The following SMYD3 variants were observed in gnomAD, a reference collection of about 807,000 sequenced individuals.
SMYD3 encodes the protein SET and MYND domain containing 3.
Under a neutral mutation model 57.7 loss-of-function variants are expected in SMYD3, and 36 were observed. The observed-to-expected ratio is 0.62, with a 90% confidence interval of 0.48 to 0.82. SMYD3 has a LOEUF of 0.82. Among genes scored for constraint, SMYD3 ranks in the 40% least tolerant of loss-of-function variants. The pLI is 0.00. For missense variants in SMYD3, 515 were observed against 538.8 expected, an observed-to-expected ratio of 0.96 and a Z score of 0.44; for synonymous variants, 211 against 195.0, an observed-to-expected ratio of 1.08 and a Z score of -0.68.
At chr1:246,328,988 A>G (rs940798434) in intron 4 of SMYD3, among the ~76,000 whole-genome samples, 29 of 151,978 alleles carry the variant, frequency 1.9e-4, no homozygotes, top group Non-Finnish European at 4.0e-4. Flanking sequence ...ATGATTTCCA[A>G]TTTCATCCAT....
intron 5 of SMYD3, among the ~76,000 whole-genome samples, chr1:246,161,352 G>C (rs1283331881): frequency 6.6e-6 from 1 of 152,190 alleles, no homozygotes; most frequent in Non-Finnish European, 1.5e-5. Flanking sequence ...TAAGCTGTTA[G>C]ATTGTTTCCA....
chr1:246,047,512 T>C (rs2059990344), intron 5 of SMYD3, among the ~76,000 whole-genome samples: 2 of 152,192 alleles, frequency 1.3e-5, no homozygotes, highest in Admixed American at 6.5e-5. Context: ...CACAAAAGAA[T>C]TTCTAGATAG....
At chr1:246,121,538 C>T (rs1431366975) in intron 5 of SMYD3, among the ~76,000 whole-genome samples, 1 of 146,746 alleles carries the variant, frequency 6.8e-6, no homozygotes, top group African/African-American at 2.5e-5. Context: ...TTAAAATGAA[C>T]AGAAGTTGAC....
At chr1:246,170,686 T>C (rs1243428409) in intron 5 of SMYD3, among the ~76,000 whole-genome samples, 1 of 152,204 alleles carries the variant, frequency 6.6e-6, no homozygotes, top group Non-Finnish European at 1.5e-5. Flanking sequence ...TTTTGTCAAA[T>C]GGCATTTCAC....
intron 5 of SMYD3, among the ~76,000 whole-genome samples, chr1:245,939,987 G>T (rs1291631450): frequency 6.6e-6 from 1 of 152,184 alleles, no homozygotes; most frequent in African/African-American, 2.4e-5. Context: ...TTTGGACTGG[G>T]AGGAATTCTC....
At chr1:246,074,205 A>G (rs543570514) in intron 5 of SMYD3, among the ~76,000 whole-genome samples, 1 of 152,304 alleles carries the variant, frequency 6.6e-6, no homozygotes, top group East Asian at 1.9e-4. Flanking sequence ...CACCAGAAGG[A>G]TATCTAGATA....
rs140069521 is a variant in SMYD3 at position 245,904,001 on chromosome 1, C to G, written c.813+11529G>C. On this transcript the variant is annotated intron_variant, in intron 8 of 11. Coordinates refer to ENST00000490107, the MANE Select transcript of SMYD3 (RefSeq NM_001167740.2). ...TTGTTTCTTATGCAAATTTCTGTAG[C>G]CAGCTTGAATTTCTCCCCAGAATAT... is the stretch of plus-strand genomic sequence containing the variant. Among the ~76,000 whole-genome samples the G allele has an allele frequency of 3.7e-3, 559 of 152,326 alleles. 6 individuals are homozygous for G. Among genetic ancestry groups the G allele is most frequent in the African/African-American group, 0.013 (540 of 41,572 alleles).
intron 10 of SMYD3, among the ~76,000 whole-genome samples, chr1:245,775,269 G>A (rs1048241472): frequency 2.6e-5 from 4 of 151,922 alleles, no homozygotes; most frequent in African/African-American, 9.7e-5. Context: ...GTTTTGTCGA[G>A]TGGAAGGGGG....
chr1:246,417,706 G>GT (rs1199911979), intron 1 of SMYD3, among the ~76,000 whole-genome samples: 1 of 152,154 alleles, frequency 6.6e-6, no homozygotes, highest in Non-Finnish European at 1.5e-5. Flanking sequence ...ACCTCCAGCA[G>GT]TAACCAAGCT....
At chr1:246,266,797 A>AAG (rs371099187) in intron 5 of SMYD3, among the ~76,000 whole-genome samples, 4 of 135,312 alleles carry the variant, frequency 3.0e-5, no homozygotes, top group Admixed American at 7.6e-5. Flanking sequence ...GAAAGAGAGA[A>AAG]AGAGAGAGAG....
chr1:245,921,658 C>T (rs1281100186), intron 7 of SMYD3, among the ~76,000 whole-genome samples: 2 of 151,804 alleles, frequency 1.3e-5, no homozygotes, highest in East Asian at 3.9e-4. Context: ...GGCCATTCTC[C>T]TAAGCAAATC....
chr1:246,001,795 T>C (rs2059051945), intron 5 of SMYD3, among the ~76,000 whole-genome samples: 1 of 152,186 alleles, frequency 6.6e-6, no homozygotes, highest in Non-Finnish European at 1.5e-5. Context: ...TTCCTTTCTT[T>C]GAATATCAAT....
At chr1:246,253,233 C>A (rs2063824835) in intron 5 of SMYD3, among the ~76,000 whole-genome samples, 1 of 152,168 alleles carries the variant, frequency 6.6e-6, no homozygotes, top group Non-Finnish European at 1.5e-5. Context: ...AGGTAGTGAA[C>A]ACAGTTTCCA....
intron 5 of SMYD3, among the ~76,000 whole-genome samples, chr1:246,242,556 C>G (rs1199340709): frequency 1.3e-5 from 2 of 151,978 alleles, no homozygotes; most frequent in Non-Finnish European, 2.9e-5. Context: ...GCAAAATAAC[C>G]AGCTAACATC....
chr1:246,179,294 G>A (rs1320704674), intron 5 of SMYD3: 1 of 152,606 alleles, frequency 6.6e-6, no homozygotes, highest in Non-Finnish European at 1.5e-5. Context: ...CTCCAAGAAA[G>A]CGTCTTTCCC....
intron 10 of SMYD3, among the ~76,000 whole-genome samples, chr1:245,841,031 T>C (rs2050377026): frequency 6.6e-6 from 1 of 152,348 alleles, no homozygotes; most frequent in Middle Eastern, 3.4e-3. Context: ...GATACTGTCA[T>C]TCTTGATGTC....
Position 246,242,073 on chromosome 1 carries a change from T to C in SMYD3, c.531+85128A>G, listed in dbSNP as rs563237363. ...ATTCATTGATTTTTGAAGGGTTTTT[T>C]TTGTGTCTCTATTTCCTTCAGTTCT... On this transcript the variant is annotated intron_variant, in intron 5 of 11. Coordinates refer to ENST00000490107, the MANE Select transcript of SMYD3 (RefSeq NM_001167740.2). Among the ~76,000 whole-genome samples the C allele has an allele frequency of 3.3e-5, 5 of 152,272 alleles. No individual in the cohort carries two copies. In the East Asian group the frequency reaches 9.6e-4, roughly 29 times the overall value.
chr1:246,498,995 A>G (rs114111787), intron 1 of SMYD3, among the ~76,000 whole-genome samples: 1,519 of 151,260 alleles, frequency 0.01, 24 homozygotes, highest in African/African-American at 0.034. Context: ...AAGTTTCCCT[A>G]TGTTGCCCAA....
At chr1:245,827,559 T>C (rs1224266214) in intron 10 of SMYD3, among the ~76,000 whole-genome samples, 1 of 152,158 alleles carries the variant, frequency 6.6e-6, no homozygotes, top group East Asian at 1.9e-4. Context: ...GGTATTTCGC[T>C]TCTCCTTTGC....
Sources: gnomAD v4.1 joint callset for allele counts (sites outside exome capture counted in the v4.1 genomes callset) on GRCh38, gnomAD v4.1.1 for gene constraint, MANE v1.5 for transcripts, NCBI Gene and HGNC (gene_info 2026-07-23, HGNC 2026-07-21) for gene names.